Variants in PTCH1 observed in about 807,000 individuals in gnomAD.
PTCH1 encodes the protein protein patched homolog 1.
Under a neutral mutation model 144.6 loss-of-function variants are expected in PTCH1, and 14 were observed. That is an observed-to-expected ratio of 0.10 (90% CI 0.06 to 0.15). The LOEUF (loss-of-function observed/expected upper bound fraction) is 0.15. Ranked by LOEUF, PTCH1 falls within the 10% of genes least tolerant of loss-of-function variation. The pLI is 1.00. For synonymous variants in PTCH1, 833 were observed against 793.6 expected, an observed-to-expected ratio of 1.05 and a Z score of -0.83; for missense variants, 1,623 against 1,948.3, an observed-to-expected ratio of 0.83 and a Z score of 3.14.
intron 7 of PTCH1, 100 bp from the exon 8 acceptor site, chr9:95,479,247 ATTCTT>A: frequency 6.8e-7 from 1 of 1,460,414 alleles, no homozygotes; most frequent in Non-Finnish European, 9.6e-7. Flanking sequence ...ACTGGCTGCA[ATTCTT>A]TTCCTTCTCT....
upstream of PTCH1, among the ~76,000 whole-genome samples, chr9:95,510,140 C>T (rs1844074750): frequency 1.3e-5 from 2 of 151,310 alleles, no homozygotes; most frequent in African/African-American, 4.8e-5. Flanking sequence ...AGAGAAACAA[C>T]AGAATCTTTT....
intron 20 of PTCH1, 34 bp downstream of exon 20, chr9:95,453,444 T>C: frequency 6.2e-7 from 1 of 1,613,276 alleles, no homozygotes; most frequent in Non-Finnish European, 8.5e-7. Context: ...CACAATGATT[T>C]CTAAAACATG....
intron 12 of PTCH1, among the ~76,000 whole-genome samples, chr9:95,471,930 G>A (rs1234693244): frequency 1.3e-5 from 2 of 152,200 alleles, no homozygotes; most frequent in African/African-American, 4.8e-5. Context: ...CCAGCTACTC[G>A]GGAGGCTGAG....
In PTCH1 at chr9:95,506,070, G is replaced by T. The variant is rs1235701176; in HGVS notation, c.394+337C>A. Among the ~76,000 whole-genome samples, 15 of 147,868 alleles carry T rather than the reference G, an allele frequency of 1.0e-4. No individual in the cohort carries two copies. The South Asian group carries it at 3.1e-3, about 31-fold the overall frequency. On this transcript the variant is annotated intron_variant, in intron 2 of 23. Transcript: ENST00000331920. ...AGAGGCCAGCCCCGGGGCGCCTCTC[G>T]GGGCGCGGCCCAGGCGGACAGCGGC...
intron 5 of PTCH1, 185 bp downstream of exon 5, chr9:95,481,764 A>T: frequency 1.6e-6 from 1 of 636,244 alleles, no homozygotes; most frequent in Non-Finnish European, 2.7e-6. Flanking sequence ...TTGTTTTTTG[A>T]AAAGAGAAAA....
intron 9 of PTCH1, 73 bp downstream of exon 9, chr9:95,477,982 C>T (rs1841206018): frequency 3.1e-6 from 5 of 1,604,034 alleles, no homozygotes; most frequent in South Asian, 1.1e-5. Flanking sequence ...GAAGCAGGAG[C>T]AGTCATGGAA....
At chr9:95,493,981 A>G (rs1171177217) in intron 2 of PTCH1, among the ~76,000 whole-genome samples, 1 of 152,144 alleles carries the variant, frequency 6.6e-6, no homozygotes, top group Admixed American at 6.5e-5. Context: ...AAACGCTACA[A>G]TCAGCCCAAA....
intron 2 of PTCH1, among the ~76,000 whole-genome samples, chr9:95,492,881 CAG>C (rs1184947925): frequency 3.9e-5 from 6 of 152,092 alleles, no homozygotes; most frequent in Admixed American, 1.3e-4. Flanking sequence ...TTCTGGTCCC[CAG>C]AGAGTCCTGT....
Position 95,509,229 on chromosome 9 carries a change from A to G in PTCH1, c.-868T>C, listed in dbSNP as rs2118919627. 7.8e-6 allele frequency among the ~76,000 whole-genome samples: 1 copy of G among 128,746 alleles called. No homozygotes were observed. The highest frequency in any genetic ancestry group is 2.8e-4 in the East Asian group (1 of 3,624). 84.5% of individuals were successfully genotyped at this position (128,746 alleles called of 152,430 possible). A position where few individuals can be genotyped will look rare whatever the true frequency, so the allele number is the denominator to read the frequency against. On this transcript the variant is annotated 5_prime_UTR_variant, in exon 1 of 24. It removes an upstream start codon present in the reference 5' UTR. Coordinates refer to ENST00000331920, the MANE Select transcript of PTCH1 (RefSeq NM_000264.5). ...AAGAAGAAAAAAAAGAACTCTCTCCATTTGGAGAAAGAAGAGGAGGAGGGG... is the reference window on the plus strand; with the variant it reads ...AAGAAGAAAAAAAAGAACTCTCTCCGTTTGGAGAAAGAAGAGGAGGAGGGG...
intron 8 of PTCH1, among the ~76,000 whole-genome samples, 164 bp from the exon 9 acceptor site, chr9:95,478,350 C>T (rs901239469): frequency 6.6e-6 from 1 of 152,114 alleles, no homozygotes; most frequent in South Asian, 2.1e-4. Flanking sequence ...TGAAGTTGGG[C>T]TAACATTAAA....
At chr9:95,486,394 A>G (rs1223547790) in intron 2 of PTCH1, among the ~76,000 whole-genome samples, 1 of 152,276 alleles carries the variant, frequency 6.6e-6, no homozygotes. Flanking sequence ...GAAGATAAAT[A>G]AAGTGATTCA....
intron 7 of PTCH1, 112 bp downstream of exon 7, chr9:95,479,857 G>T: frequency 6.5e-7 from 1 of 1,546,080 alleles, no homozygotes; most frequent in Non-Finnish European, 8.9e-7. Context: ...GGCTAGCGAG[G>T]ATAACGGTTT....
chr9:95,469,590 T>C (rs1438350035), intron 13 of PTCH1, among the ~76,000 whole-genome samples: 2 of 152,142 alleles, frequency 1.3e-5, no homozygotes, highest in African/African-American at 4.8e-5. Context: ...GGAACCAGCA[T>C]CTTGAGGGCT....
chr9:95,516,230 G>A, intron 1 of PTCH1, among the ~76,000 whole-genome samples: 1 of 148,972 alleles, frequency 6.7e-6, no homozygotes, highest in East Asian at 2.0e-4. Flanking sequence ...CCTCGGGGGC[G>A]GGGGCCCGGG....
chr9:95,452,793 T>C (rs1424505598), intron 20 of PTCH1: 2 of 153,418 alleles, frequency 1.3e-5, no homozygotes, highest in East Asian at 3.8e-4. Context: ...GGTGACAATT[T>C]TAGGTATTTT....
chr9:95,491,975 A>G (rs1842437231), intron 2 of PTCH1, among the ~76,000 whole-genome samples: 2 of 152,210 alleles, frequency 1.3e-5, no homozygotes, highest in African/African-American at 2.4e-5. Flanking sequence ...CCAAACAGGA[A>G]ATCATGTCAA....
chr9:95,457,934 T>G (rs1839085294), intron 18 of PTCH1, 79 bp downstream of exon 18: 1 of 1,571,664 alleles, frequency 6.4e-7, no homozygotes, highest in Non-Finnish European at 8.7e-7. Context: ...GGCCCAGACA[T>G]AAACAAAACT....
At position 95,473,906 on chromosome 9, in the gene PTCH1, G is replaced by A. The variant is rs1356285912; in HGVS notation, c.1728+2128C>T. On this transcript the variant is annotated intron_variant, in intron 12 of 23. Coordinates refer to ENST00000331920, the MANE Select transcript of PTCH1 (RefSeq NM_000264.5). ...AGGAGGTATTCTTCAGTAAGATGAGGACTCTTGGAAGCTATAGTTGCAATT... is the reference window on the plus strand; with the variant it reads ...AGGAGGTATTCTTCAGTAAGATGAGAACTCTTGGAAGCTATAGTTGCAATT... 14 of 352,462 alleles carry A rather than the reference G, an allele frequency of 4.0e-5. No homozygotes were observed. The East Asian group carries it at 1.0e-3, about 26-fold the overall frequency. 21.8% of individuals were successfully genotyped at this position (352,462 alleles called of 1,614,324 possible).
chr9:95,474,609 T>C (rs559213609), intron 12 of PTCH1, among the ~76,000 whole-genome samples: 21 of 152,334 alleles, frequency 1.4e-4, no homozygotes, highest in Admixed American at 9.8e-4. Flanking sequence ...CATAGAATCT[T>C]TTCTCCAGCT....
Sources: allele counts gnomAD v4.1 joint callset (sites outside exome capture counted in the v4.1 genomes callset), GRCh38; gene constraint gnomAD v4.1.1; transcripts MANE v1.5; gene names NCBI Gene and HGNC (gene_info 2026-07-23, HGNC 2026-07-21).